Variants in GLIS3 observed in about 807,000 individuals in gnomAD.
The protein encoded by GLIS3 is GLIS family zinc finger 3.
Under a neutral mutation model 78.6 loss-of-function variants are expected in GLIS3, and 53 were observed. The observed-to-expected ratio is 0.67, with a 90% CI of 0.54 to 0.85. The LOEUF (loss-of-function observed/expected upper bound fraction) is 0.85, where lower values mean the gene tolerates loss of function less well. Ranked by LOEUF, GLIS3 falls within the 40% of genes least tolerant of loss-of-function variation. GLIS3 has a pLI of 0.00. For missense variants in GLIS3, 1,703 were observed against 1,231.1 expected, an observed-to-expected ratio of 1.38 and a Z score of -5.74; for synonymous variants, 684 against 509.9, an observed-to-expected ratio of 1.34 and a Z score of -4.60.
intron 2 of GLIS3, among the ~76,000 whole-genome samples, chr9:4,325,913 G>A (rs570559748): frequency 2.0e-5 from 3 of 152,228 alleles, no homozygotes; most frequent in South Asian, 2.1e-4. Context: ...GACATGGATC[G>A]AGCTGGAAGC....
In GLIS3 at chr9:3,937,085, C is replaced by G; in HGVS notation, c.1815G>C (p.Gln605His). 2 of 1,613,902 alleles carry G rather than the reference C, an allele frequency of 1.2e-6. No homozygotes were observed. The highest frequency in any genetic ancestry group is 2.2e-5 in the East Asian group (1 of 44,886). ...KPYLCQHPGCQKAFSNSSDRA... is the reference protein window; with the variant it reads ...KPYLCQHPGCHKAFSNSSDRA... ...GGTCACTGGAGTTACTGAAGGCCTTCTGACAACCCGGATGCTGGCACAAAT... is the reference window on the plus strand; with the variant it reads ...GGTCACTGGAGTTACTGAAGGCCTTGTGACAACCCGGATGCTGGCACAAAT... The change falls in exon 5 of 11, where the codon CAG becomes CAC. Residue 605 changes from glutamine to histidine, a missense_variant. Coordinates refer to ENST00000381971, the MANE Select transcript of GLIS3 (RefSeq NM_001042413.2).
the GLIS3 span, among the ~76,000 whole-genome samples, chr9:4,462,634 G>GACACAC: frequency 3.1e-4 from 21 of 66,708 alleles, no homozygotes; most frequent in African/African-American, 9.4e-4. Flanking sequence ...CACACACACA[G>GACACAC]ACACGCACAC....
At chr9:4,276,049 G>A (rs1826950101) in intron 2 of GLIS3, among the ~76,000 whole-genome samples, 1 of 151,930 alleles carries the variant, frequency 6.6e-6, no homozygotes, top group East Asian at 2.0e-4. Context: ...TTGGAAGGCC[G>A]AGGCAGATGG....
intron 6 of GLIS3, among the ~76,000 whole-genome samples, chr9:3,903,687 A>G (rs529616564): frequency 1.3e-5 from 2 of 152,372 alleles, no homozygotes; most frequent in South Asian, 2.1e-4. Flanking sequence ...AGAGAAGTTT[A>G]CATTCTAGAG....
At chr9:4,299,392 C>CGA (rs1563920757) in intron 1 of GLIS3, 29 bp downstream of exon 1, 1 of 152,340 alleles carries the variant, frequency 6.6e-6, no homozygotes, top group African/African-American at 2.4e-5. Flanking sequence ...CTCTCGCCTG[C>CGA]GAGCAAAGTT....
the GLIS3 span, among the ~76,000 whole-genome samples, chr9:4,356,520 T>C: frequency 2.6e-5 from 4 of 152,178 alleles, no homozygotes; most frequent in African/African-American, 2.4e-5. Context: ...AGATATTAGA[T>C]GGGAGGAAAT....
intron 4 of GLIS3, among the ~76,000 whole-genome samples, chr9:4,092,552 AT>A (rs1363218364): frequency 6.6e-6 from 1 of 152,122 alleles, no homozygotes; most frequent in Non-Finnish European, 1.5e-5. Context: ...AACTTTTTAA[AT>A]TTTTTGTTGA....
At chr9:4,243,275 G>A (rs1823487898) in intron 2 of GLIS3, among the ~76,000 whole-genome samples, 1 of 152,080 alleles carries the variant, frequency 6.6e-6, no homozygotes, top group African/African-American at 2.4e-5. Flanking sequence ...AGAGGAAGTG[G>A]CCAGAAAGGA....
intron 2 of GLIS3, among the ~76,000 whole-genome samples, chr9:4,243,677 G>T (rs993149328): frequency 2.0e-5 from 3 of 152,114 alleles, no homozygotes; most frequent in African/African-American, 4.8e-5. Flanking sequence ...ACATCATTGT[G>T]GATCACTAAG....
chr9:4,114,157 T>A (rs930615526), intron 4 of GLIS3, among the ~76,000 whole-genome samples: 1 of 152,108 alleles, frequency 6.6e-6, no homozygotes, highest in Non-Finnish European at 1.5e-5. Context: ...CTGCCCCAGA[T>A]AGGCAGACAG....
At chr9:4,198,127 A>C (rs1245164287) in intron 2 of GLIS3, among the ~76,000 whole-genome samples, 4 of 152,128 alleles carry the variant, frequency 2.6e-5, no homozygotes, top group Non-Finnish European at 1.5e-5. Context: ...AAAGAATAAC[A>C]CTAACTCTCC....
At chr9:3,951,841 AACAC>A (rs3061609) in intron 4 of GLIS3, among the ~76,000 whole-genome samples, 4,888 of 130,560 alleles carry the variant, frequency 0.037, 107 homozygotes, top group Middle Eastern at 0.11. Flanking sequence ...AATAAGCATG[AACAC>A]ACACACACAC....
the GLIS3 span, among the ~76,000 whole-genome samples, chr9:4,391,262 G>C: frequency 6.6e-6 from 1 of 152,192 alleles, no homozygotes; most frequent in Admixed American, 6.5e-5. Flanking sequence ...ACCTCCAGAA[G>C]AGCCTGCCTC....
At chr9:4,233,460 T>C (rs796803504) in intron 2 of GLIS3, among the ~76,000 whole-genome samples, 1 of 152,384 alleles carries the variant, frequency 6.6e-6, no homozygotes, top group African/African-American at 2.4e-5. Context: ...ACCAGGTGCA[T>C]TGTTAATGAC....
chr9:4,248,331 A>G (rs1824005827), intron 2 of GLIS3, among the ~76,000 whole-genome samples: 1 of 151,880 alleles, frequency 6.6e-6, no homozygotes, highest in African/African-American at 2.4e-5. Flanking sequence ...GAGTGACAAC[A>G]TGTGGTATTG....
At chr9:4,120,193 A>G (rs973785611) in intron 3 of GLIS3, among the ~76,000 whole-genome samples, 1 of 152,246 alleles carries the variant, frequency 6.6e-6, no homozygotes, top group Non-Finnish European at 1.5e-5. Flanking sequence ...CCACCTGTTC[A>G]TCTTACTCTG....
intron 2 of GLIS3, among the ~76,000 whole-genome samples, chr9:4,221,644 A>G (rs1264361346): frequency 6.6e-6 from 1 of 152,160 alleles, no homozygotes; most frequent in Non-Finnish European, 1.5e-5. Flanking sequence ...CAGTGTATGG[A>G]ATGGAAAATC....
At chr9:3,911,042 G>T (rs752462917) in intron 6 of GLIS3, among the ~76,000 whole-genome samples, 4 of 152,154 alleles carry the variant, frequency 2.6e-5, no homozygotes, top group Non-Finnish European at 2.9e-5. Flanking sequence ...TAGACTTTCT[G>T]TCTCTACTCA....
At chr9:4,201,878 G>A (rs1005466947) in intron 2 of GLIS3, among the ~76,000 whole-genome samples, 16 of 152,170 alleles carry the variant, frequency 1.1e-4, no homozygotes, top group Non-Finnish European at 1.9e-4. Context: ...GCTCATGCCT[G>A]TAATTCCAGG....
Sources: allele counts gnomAD v4.1 joint callset (sites outside exome capture counted in the v4.1 genomes callset), GRCh38; gene constraint gnomAD v4.1.1; transcripts MANE v1.5; gene names NCBI Gene and HGNC (gene_info 2026-07-23, HGNC 2026-07-21).